The following ANK1 variants were observed in gnomAD, a reference collection of about 807,000 sequenced individuals.
ANK1 encodes the protein ankyrin-1.
Under a neutral mutation model 210.4 loss-of-function variants are expected in ANK1, and 51 were observed. The ratio of observed to expected loss-of-function variants is 0.24; its 90% CI spans 0.19 to 0.31. The LOEUF (loss-of-function observed/expected upper bound fraction) is 0.31. Ranked by LOEUF, ANK1 falls within the 10% of genes least tolerant of loss-of-function variation. ANK1 has a pLI of 1.00. For synonymous variants in ANK1, 967 were observed against 1,025.9 expected (o/e 0.94, Z 1.10); for missense variants, 2,051 against 2,504.4 (o/e 0.82, Z 3.86).
chr8:41,797,915 C>CG (rs1849109775), upstream of ANK1, among the ~76,000 whole-genome samples: 1 of 151,736 alleles, frequency 6.6e-6, no homozygotes, highest in African/African-American at 2.4e-5. The surrounding 1 kb of genome is among the most constrained non-coding windows in gnomAD (Gnocchi z 4.0). Context: ...AAAGGGAGTC[C>CG]GGTTTAGTCG....
rs745603998 is a variant in ANK1 at position 41,704,176 on chromosome 8, G to A, written c.2197-37C>T. 3.2e-6 allele frequency: 5 copies of A among 1,582,154 alleles called. No homozygotes were observed. The East Asian group carries it at 1.1e-4, about 35-fold the overall frequency. ...GCAGACATTTAGGCAGGGTTAGCCA[G>A]CCACTAGACAGAGACCTGCCTACAC... is the stretch of plus-strand genomic sequence containing the variant. On this transcript the variant is annotated intron_variant, in intron 19 of 42. Transcript: ENST00000289734. This position sits in a 1 kb window ranked among gnomAD's most constrained non-coding sequence, Gnocchi z 4.1.
rs1381881889 is a variant in ANK1 at position 41,797,246 on chromosome 8, A to G, written c.27+266T>C. ...CGCTATTGCTGACAGGACATAATTCAGAGACCCAGGTAGTTGGAACTCAAT... is the reference window on the plus strand; with the variant it reads ...CGCTATTGCTGACAGGACATAATTCGGAGACCCAGGTAGTTGGAACTCAAT... On this transcript the variant is annotated intron_variant, in intron 1 of 42. Transcript: ENST00000289734. The surrounding 1 kb of genome is among the most constrained non-coding windows in gnomAD (Gnocchi z 4.0). Among the ~76,000 whole-genome samples, 3 of 152,270 alleles carry G rather than the reference A, an allele frequency of 2.0e-5. No individual in the cohort carries two copies. In the East Asian group the frequency reaches 5.8e-4, roughly 29 times the overall value.
chr8:41,833,597 C>T (rs1030984370), intron 1 of ANK1, among the ~76,000 whole-genome samples: 1 of 152,196 alleles, frequency 6.6e-6, no homozygotes, highest in Non-Finnish European at 1.5e-5. Context: ...TGGGAATGGT[C>T]ACCGTACAAG....
chr8:41,861,461 G>A (rs766205336), intron 1 of ANK1, among the ~76,000 whole-genome samples: 3 of 152,246 alleles, frequency 2.0e-5, no homozygotes, highest in Non-Finnish European at 2.9e-5. Flanking sequence ...TTGTTTGAGC[G>A]TGGAACTGTA....
At chr8:41,886,887 C>T (rs1229308992) in intron 1 of ANK1, among the ~76,000 whole-genome samples, 1 of 152,108 alleles carries the variant, frequency 6.6e-6, no homozygotes, top group Non-Finnish European at 1.5e-5. Context: ...GGAAGATCCC[C>T]CTGGCTGCAG....
At chr8:41,684,204 G>A (rs1231726485) in intron 37 of ANK1, among the ~76,000 whole-genome samples, 3 of 152,264 alleles carry the variant, frequency 2.0e-5, no homozygotes, top group Non-Finnish European at 4.4e-5. Context: ...CTGCAGCTGT[G>A]TAGGGGCAGT....
rs1821109955 is a variant in ANK1, at chr8:41,696,746, G to C, written c.2665C>G (p.Leu889Val). 1 of 1,600,534 alleles carries C rather than the reference G, an allele frequency of 6.2e-7. No homozygotes were observed. The highest frequency in any genetic ancestry group is 8.5e-7 in the Non-Finnish European group (1 of 1,179,620). ...TCGGTGGCCGGGCTGCTGGGGATGA[G>C]GGAGTCCTCATCATACTCTTTAGAT... Reference protein sequence around the residue: ...QASKEYDEDSLIPSSPATETS... With the variant: ...QASKEYDEDSVIPSSPATETS... The change falls in exon 25 of 43, where the codon CTC (leucine) becomes GTC (valine). Residue 889 changes from leucine (L) to valine (V), a missense_variant. Physicochemically the swap from Leu to Val is conservative, Grantham distance 32. Transcript: ENST00000289734.
intron 1 of ANK1, among the ~76,000 whole-genome samples, chr8:41,835,001 C>T (rs541629474): frequency 8.5e-5 from 13 of 152,372 alleles, no homozygotes; most frequent in African/African-American, 1.4e-4. Flanking sequence ...TGCCCCAGAA[C>T]GGCTAAAGGA....
chr8:41,822,843 C>T (rs1488694979), intron 1 of ANK1, among the ~76,000 whole-genome samples: 1 of 152,326 alleles, frequency 6.6e-6, no homozygotes, highest in South Asian at 2.1e-4. Context: ...CACCCCTGTA[C>T]GGGAAGCACA....
chr8:41,720,009 C>A, intron 9 of ANK1, 151 bp from the exon 10 acceptor site: 1 of 902,320 alleles, frequency 1.1e-6, no homozygotes, highest in Non-Finnish European at 1.8e-6. Context: ...GGCCTCCACG[C>A]TCCTGCCGGT....
intron 1 of ANK1, among the ~76,000 whole-genome samples, chr8:41,834,731 TG>T (rs1008120549): frequency 1.3e-5 from 2 of 152,196 alleles, no homozygotes; most frequent in Admixed American, 6.5e-5. Flanking sequence ...ATGCAGCAGA[TG>T]GGGCCCTGGG....
intron 1 of ANK1, among the ~76,000 whole-genome samples, chr8:41,880,010 G>A (rs1446285325): frequency 6.6e-6 from 1 of 152,214 alleles, no homozygotes; most frequent in African/African-American, 2.4e-5. Context: ...AGAACAACAA[G>A]CATTTAACCC....
At chr8:41,658,496 C>T (rs892942869) in intron 42 of ANK1, among the ~76,000 whole-genome samples, 2 of 152,250 alleles carry the variant, frequency 1.3e-5, no homozygotes, top group East Asian at 3.8e-4. Context: ...TAAGGCCATA[C>T]AACCTGGAAG....
At chr8:41,852,731 C>T (rs1407908981) in intron 1 of ANK1, among the ~76,000 whole-genome samples, 3 of 152,214 alleles carry the variant, frequency 2.0e-5, no homozygotes, top group African/African-American at 4.8e-5. Flanking sequence ...TCGAGGATGA[C>T]GCCACTGGTG....
At chr8:41,872,842 C>T (rs1052714459) in intron 1 of ANK1, among the ~76,000 whole-genome samples, 1 of 152,252 alleles carries the variant, frequency 6.6e-6, no homozygotes, top group Non-Finnish European at 1.5e-5. Flanking sequence ...AGCCTCAGAG[C>T]ACAGCCGCCC....
intron 1 of ANK1, among the ~76,000 whole-genome samples, chr8:41,850,930 C>T (rs569076474): frequency 6.6e-5 from 10 of 152,348 alleles, no homozygotes; most frequent in African/African-American, 1.7e-4. Context: ...ATAGGCTACC[C>T]GGCCTCTTTC....
intron 1 of ANK1, among the ~76,000 whole-genome samples, chr8:41,867,661 T>C (rs1367069705): frequency 6.6e-6 from 1 of 152,100 alleles, no homozygotes; most frequent in Non-Finnish European, 1.5e-5. Flanking sequence ...ACCCTCCTTT[T>C]TGCTTGAGCA....
chr8:41,735,312 G>A (rs924633198), intron 2 of ANK1, among the ~76,000 whole-genome samples: 4 of 152,196 alleles, frequency 2.6e-5, no homozygotes, highest in Admixed American at 6.5e-5. Context: ...TCTTGGCTCC[G>A]TACAGAAAAT....
At chr8:41,723,377 C>T (rs1829766474) in intron 8 of ANK1, among the ~76,000 whole-genome samples, 154 bp from the exon 9 acceptor site, 1 of 152,212 alleles carries the variant, frequency 6.6e-6, no homozygotes. Flanking sequence ...CTATTGCCTC[C>T]CACTGCACGC....
Sources: gnomAD v4.1 joint callset for allele counts (sites outside exome capture counted in the v4.1 genomes callset) on GRCh38, gnomAD v4.1.1 for gene constraint, Gnocchi (gnomAD v3.1) non-coding constraint, MANE v1.5 for transcripts, NCBI Gene and HGNC (gene_info 2026-07-23, HGNC 2026-07-21) for gene names.